EXD3: variants seen among roughly 807,000 people sequenced by gnomAD.
EXD3 encodes exonuclease mut-7 homolog.
A neutral mutation model predicts 98.0 loss-of-function variants in EXD3; 92 were observed. The ratio of observed to expected loss-of-function variants is 0.94; its 90% confidence interval spans 0.79 to 1.12. EXD3 has a LOEUF of 1.12. EXD3 is among the 50% of genes most tolerant of loss of function. The probability of loss-of-function intolerance (pLI) is 0.00; values close to 1 mark genes in which losing one functional copy is unlikely to be tolerated. For missense variants in EXD3, 1,222 were observed against 1,191.6 expected (o/e 1.03, Z -0.38); for synonymous variants, 569 against 526.0 (o/e 1.08, Z -1.12).
At chr9:137,314,990 T>C (rs1022402213) in intron 19 of EXD3, among the ~76,000 whole-genome samples, 1 of 152,188 alleles carries the variant, frequency 6.6e-6, no homozygotes, top group Non-Finnish European at 1.5e-5. Context: ...AGGAAGCGTG[T>C]TACTGCCTCA....
chr9:137,351,220 C>G (rs1024668976), intron 13 of EXD3, 73 bp from the exon 14 acceptor site: 2 of 1,520,452 alleles, frequency 1.3e-6, no homozygotes, highest in East Asian at 2.4e-5. Context: ...CCAGGGTGCA[C>G]CCAGCACCCT....
intron 1 of EXD3, among the ~76,000 whole-genome samples, chr9:137,418,340 G>T (rs1363303607): frequency 6.6e-6 from 1 of 152,220 alleles, no homozygotes; most frequent in African/African-American, 2.4e-5. Context: ...ACAAGAGCGA[G>T]ACTCTGTCTC....
chr9:137,321,130 G>C (rs569972421), intron 19 of EXD3, among the ~76,000 whole-genome samples: 3 of 152,258 alleles, frequency 2.0e-5, no homozygotes, highest in Non-Finnish European at 4.4e-5. Flanking sequence ...CTGCAGATCC[G>C]AGCCGAGCCG....
chr9:137,408,278 G>C (rs1450779117), intron 1 of EXD3, among the ~76,000 whole-genome samples: 1 of 152,074 alleles, frequency 6.6e-6, no homozygotes, highest in Non-Finnish European at 1.5e-5. Flanking sequence ...GCCGGGCATG[G>C]TCGCTCACGC....
intron 5 of EXD3, among the ~76,000 whole-genome samples, chr9:137,368,471 C>T (rs898058511): frequency 1.3e-5 from 2 of 152,208 alleles, no homozygotes; most frequent in African/African-American, 2.4e-5. Flanking sequence ...CTAGCCCTTC[C>T]CACGAGGCGG....
In EXD3 at chr9:137,347,004, C is replaced by T. The variant is rs540131821; in HGVS notation, c.1998+1067G>A. Among the ~76,000 whole-genome samples the T allele has an allele frequency of 6.6e-6, 1 of 152,244 alleles. No individual in the cohort carries two copies. The highest frequency in any genetic ancestry group is 1.9e-4 in the East Asian group (1 of 5,186). ...CTAATTTTTGTATTTTTAGGAGAGA[C>T]AGGGTTTCACCATCTTGGCCAGGCT... On this transcript the variant is annotated intron_variant, in intron 17 of 21. Coordinates refer to ENST00000340951, the MANE Select transcript of EXD3 (RefSeq NM_017820.5). This position sits in a 1 kb window ranked among gnomAD's most constrained non-coding sequence, Gnocchi z 4.2.
Position 137,349,486 on chromosome 9 carries a change from C to T in EXD3, c.1540G>A (p.Glu514Lys), listed in dbSNP as rs2119215242. 2 of 1,603,572 alleles carry T rather than the reference C, an allele frequency of 1.2e-6. No homozygotes were observed. The highest frequency in any genetic ancestry group is 8.5e-7 in the Non-Finnish European group (1 of 1,177,656). The change falls in exon 15 of 22, where the codon GAG (glutamate) becomes AAG (lysine). Residue 514 changes from glutamate to lysine, a missense_variant. Coordinates refer to ENST00000340951, the MANE Select transcript of EXD3 (RefSeq NM_017820.5). The surrounding 1 kb of genome is among the most constrained non-coding windows in gnomAD (Gnocchi z 7.4). ...VPAPAVDRAR[E>K]LRGLSLLVQQ... Reference sequence around the variant, plus strand: ...ACCAGGAGGCTCAGGCCCCTCAGCTCCCTGGCCCTGTCCACGGCTGGGGCT... The same window carrying T: ...ACCAGGAGGCTCAGGCCCCTCAGCTTCCTGGCCCTGTCCACGGCTGGGGCT...
chr9:137,403,293 G>A lies in EXD3; in HGVS notation c.-47-7889C>T, dbSNP rs375540605. On this transcript the variant is annotated intron_variant, in intron 1 of 21. Transcript: ENST00000340951. The surrounding 1 kb of genome is among the most constrained non-coding windows in gnomAD (Gnocchi z 6.1). Reference sequence around the variant, plus strand: ...GAGGGGCCCCAGAAGATGCAGACCCGAACGCGTCTCCTCCCGGCTGGTCTG... The same window carrying A: ...GAGGGGCCCCAGAAGATGCAGACCCAAACGCGTCTCCTCCCGGCTGGTCTG... Among the ~76,000 whole-genome samples the A allele has an allele frequency of 7.9e-5, 12 of 151,902 alleles. No individual in the cohort carries two copies. Among genetic ancestry groups the A allele is most frequent in the African/African-American group, 2.7e-4 (11 of 41,366 alleles).
rs1054565277 is a variant in EXD3, at chr9:137,307,175, C to A, written c.2406G>T (p.Pro802=). The change falls in exon 22 of 22, where the codon CCG becomes CCT. Residue 802 remains proline, a synonymous_variant. Coordinates refer to ENST00000340951, the MANE Select transcript of EXD3 (RefSeq NM_017820.5). The part of the protein sequence containing the change: ...LQMADLRAET[P]DMLADGTRLQ... ...GCCGGGTGCCGTCGGCCAGCATGTC[C>A]GGTGTCTCCGCCCGCAGGTCAGCCA... 1 of 1,586,750 alleles carries A rather than the reference C, an allele frequency of 6.3e-7. No homozygotes were observed. The highest frequency in any genetic ancestry group is 8.6e-7 in the Non-Finnish European group (1 of 1,167,962).
chr9:137,353,048 C>A, intron 10 of EXD3: 1 of 1,305,638 alleles, frequency 7.7e-7, no homozygotes, highest in South Asian at 1.8e-5. Context: ...GTCTCCAAGC[C>A]TGAGGTGAAG....
At chr9:137,330,202 A>ACTACACAGGAG (rs1263631873) in intron 17 of EXD3, among the ~76,000 whole-genome samples, 5 of 135,472 alleles carry the variant, frequency 3.7e-5, no homozygotes, top group Admixed American at 3.6e-4. Flanking sequence ...ACTACACAGG[A>ACTACACAGGAG]CTACACAGGA....
At position 137,403,177 on chromosome 9, in the gene EXD3, C is replaced by A. The variant is rs1837550065; in HGVS notation, c.-47-7773G>T. ...TCTCCCCTCCATGGCAGTGTGGGGA[C>A]TGCTATGCATATCTGAAAGTGAGGC... is the stretch of plus-strand genomic sequence containing the variant. On this transcript the variant is annotated intron_variant, in intron 1 of 21. Transcript: ENST00000340951. The surrounding 1 kb of genome is among the most constrained non-coding windows in gnomAD (Gnocchi z 6.1). 1.3e-5 allele frequency among the ~76,000 whole-genome samples: 2 copies of A among 152,004 alleles called. No individual in the cohort carries two copies. Among genetic ancestry groups the A allele is most frequent in the Admixed American group, 1.3e-4 (2 of 15,252 alleles).
At chr9:137,307,378 G>T in intron 21 of EXD3, 115 bp from the exon 22 acceptor site, 5 of 1,401,664 alleles carry the variant, frequency 3.6e-6, no homozygotes, top group South Asian at 1.5e-5. Flanking sequence ...CTCCTCAGCA[G>T]CTCCTCTTTC....
At position 137,371,807 on chromosome 9, in the gene EXD3, C is replaced by G. The variant is rs1300948212; in HGVS notation, c.462+1098G>C. On this transcript the variant is annotated intron_variant, in intron 5 of 21. Coordinates refer to ENST00000340951, the MANE Select transcript of EXD3 (RefSeq NM_017820.5). The surrounding 1 kb of genome is among the most constrained non-coding windows in gnomAD (Gnocchi z 8.0). ...CCGGGCTTCTTTGCCGCACCTCGTG[C>G]TGCACCCTAGAATCTGCACTGGGAT... Among the ~76,000 whole-genome samples, 1 of 152,072 alleles carries G rather than the reference C, an allele frequency of 6.6e-6. No homozygotes were observed. The highest frequency in any genetic ancestry group is 2.4e-5 in the African/African-American group (1 of 41,426).
intron 2 of EXD3, among the ~76,000 whole-genome samples, chr9:137,391,204 G>A (rs868678788): frequency 9.2e-5 from 14 of 152,254 alleles, no homozygotes; most frequent in African/African-American, 2.4e-4. Flanking sequence ...CCAGGAACCC[G>A]CACGTTCACG....
chr9:137,354,513 G>A, intron 9 of EXD3, 136 bp from the exon 10 acceptor site: 1 of 1,541,872 alleles, frequency 6.5e-7, no homozygotes, highest in Admixed American at 2.0e-5. Context: ...TGGTGCCACA[G>A]CCCAGAGCCA....
At chr9:137,367,888 C>T (rs773850984) in intron 6 of EXD3, 48 bp downstream of exon 6, 43 of 1,565,390 alleles carry the variant, frequency 2.7e-5, no homozygotes, top group Admixed American at 1.7e-5. Flanking sequence ...GAGACCTGGG[C>T]GTTATCCAAG....
At chr9:137,316,249 T>C (rs1383979657) in intron 19 of EXD3, among the ~76,000 whole-genome samples, 3 of 151,662 alleles carry the variant, frequency 2.0e-5, no homozygotes, top group Non-Finnish European at 3.0e-5. Context: ...CGGCCGGCCT[T>C]GGAAACGGCC....
intron 1 of EXD3, among the ~76,000 whole-genome samples, chr9:137,396,227 C>T (rs948133706): frequency 6.6e-6 from 1 of 152,208 alleles, no homozygotes; most frequent in Non-Finnish European, 1.5e-5. Flanking sequence ...CTCAGCCTCC[C>T]AAAGTGCTGG....
Sources: gnomAD v4.1 joint callset for allele counts (sites outside exome capture counted in the v4.1 genomes callset) on GRCh38, gnomAD v4.1.1 for gene constraint, Gnocchi (gnomAD v3.1) non-coding constraint, MANE v1.5 for transcripts, NCBI Gene and HGNC (gene_info 2026-07-23, HGNC 2026-07-21) for gene names.